The following AUTS2 variants were observed in gnomAD, a reference collection of about 807,000 sequenced individuals.
AUTS2 encodes the protein activator of transcription and developmental regulator AUTS2.
Under a neutral mutation model 112.4 loss-of-function variants are expected in AUTS2, and 17 were observed. That is an observed-to-expected ratio of 0.15 (90% CI 0.10 to 0.23). The LOEUF (loss-of-function observed/expected upper bound fraction) is 0.23, where lower values mean the gene tolerates loss of function less well. Among genes scored for constraint, AUTS2 ranks in the 10% least tolerant of loss-of-function variants. The pLI, the probability that AUTS2 is intolerant of heterozygous loss-of-function variation, is 1.00. For synonymous variants in AUTS2, 751 were observed against 702.7 expected, an observed-to-expected ratio of 1.07 and a Z score of -1.09; for missense variants, 1,510 against 1,701.6, an observed-to-expected ratio of 0.89 and a Z score of 1.98.
At chr7:69,744,447 C>T (rs139694170) in intron 1 of AUTS2, among the ~76,000 whole-genome samples, 71 of 152,272 alleles carry the variant, frequency 4.7e-4, no homozygotes, top group African/African-American at 1.6e-3. Flanking sequence ...CATGGACCAA[C>T]ATTTGATACT....
At chr7:70,406,060 T>C (rs1458068523) in intron 4 of AUTS2, among the ~76,000 whole-genome samples, 1 of 152,110 alleles carries the variant, frequency 6.6e-6, no homozygotes, top group Non-Finnish European at 1.5e-5. Flanking sequence ...AAAACACTCT[T>C]TTCACGGTCT....
intron 2 of AUTS2, among the ~76,000 whole-genome samples, chr7:69,915,933 GGTCTCGAGCT>G (rs1395177149): frequency 6.6e-6 from 1 of 152,150 alleles, no homozygotes; most frequent in Non-Finnish European, 1.5e-5. Context: ...TGCCCAGGCT[GGTCTCGAGCT>G]CTTGAGCTCA....
chr7:69,952,448 G>A (rs1484783246), intron 2 of AUTS2, among the ~76,000 whole-genome samples: 4 of 152,058 alleles, frequency 2.6e-5, no homozygotes, highest in African/African-American at 7.2e-5. Flanking sequence ...AAGCTTTTTC[G>A]TTTACCTCTA....
At chr7:70,143,673 G>A (rs937185853) in intron 4 of AUTS2, among the ~76,000 whole-genome samples, 3 of 152,160 alleles carry the variant, frequency 2.0e-5, no homozygotes, top group Admixed American at 6.5e-5. Context: ...GTCTCCATTG[G>A]CGACTCCCTG....
chr7:70,065,043 C>G (rs998102757), intron 2 of AUTS2, among the ~76,000 whole-genome samples: 2 of 152,018 alleles, frequency 1.3e-5, no homozygotes, highest in African/African-American at 2.4e-5. Flanking sequence ...AACAAAGGAG[C>G]AAGTGAACAA....
At chr7:69,727,325 C>T (rs768737351) in intron 1 of AUTS2, among the ~76,000 whole-genome samples, 5 of 152,158 alleles carry the variant, frequency 3.3e-5, no homozygotes, top group Non-Finnish European at 7.4e-5. Flanking sequence ...GGTGCAGTAG[C>T]TCACACCTGT....
chr7:70,454,808 T>C (rs1796669411), intron 5 of AUTS2, among the ~76,000 whole-genome samples: 1 of 152,178 alleles, frequency 6.6e-6, no homozygotes, highest in South Asian at 2.1e-4. Flanking sequence ...CCTGCTGCTG[T>C]GCAAAGCACA....
At chr7:70,362,131 CACTT>C in intron 4 of AUTS2, among the ~76,000 whole-genome samples, 1 of 152,196 alleles carries the variant, frequency 6.6e-6, no homozygotes, top group East Asian at 1.9e-4. Flanking sequence ...AGAGCACTGT[CACTT>C]ACTACTTCCA....
chr7:69,715,762 T>C (rs1424450696), intron 1 of AUTS2, among the ~76,000 whole-genome samples: 1 of 152,248 alleles, frequency 6.6e-6, no homozygotes, highest in Non-Finnish European at 1.5e-5. Context: ...AGATGATGAT[T>C]GCTTTCATAA....
chr7:69,912,728 T>A (rs1795413319), intron 2 of AUTS2, among the ~76,000 whole-genome samples: 2 of 152,224 alleles, frequency 1.3e-5, no homozygotes, highest in African/African-American at 2.4e-5. Flanking sequence ...GCTTTCATTT[T>A]ACTCCCTCCT....
intron 5 of AUTS2, among the ~76,000 whole-genome samples, chr7:70,441,687 T>A (rs1212436097): frequency 6.6e-6 from 1 of 152,208 alleles, no homozygotes; most frequent in African/African-American, 2.4e-5. Context: ...ATGCCTGGTG[T>A]TCATTTTTAA....
chr7:69,980,187 A>G (rs1008710906), intron 2 of AUTS2, among the ~76,000 whole-genome samples: 2 of 152,148 alleles, frequency 1.3e-5, no homozygotes, highest in African/African-American at 2.4e-5. Flanking sequence ...GGTTCCAGTG[A>G]TCCTCCAGCC....
chr7:69,629,089 T>G (rs1336647195), intron 1 of AUTS2, among the ~76,000 whole-genome samples: 1 of 152,202 alleles, frequency 6.6e-6, no homozygotes, highest in African/African-American at 2.4e-5. Flanking sequence ...ACAGTGAGCT[T>G]AGCATGGACT....
intron 1 of AUTS2, among the ~76,000 whole-genome samples, chr7:69,658,634 T>C (rs1036549858): frequency 6.6e-6 from 1 of 152,198 alleles, no homozygotes. Flanking sequence ...TGACTCTTCA[T>C]GTCTTCATCT....
At chr7:69,872,834 C>CTTTTTTTTTTTTTTTTTTTTTTTTTTTT (rs1164356683) in intron 1 of AUTS2, among the ~76,000 whole-genome samples, 1 of 70,422 alleles carries the variant, frequency 1.4e-5, no homozygotes, top group African/African-American at 6.2e-5. Flanking sequence ...AGCCTATATT[C>CTTTTTTTTTTTTTTTTTTTTTTTTTTTT]TTTTTTTTTT....
chr7:70,270,661 G>T (rs1787647295), intron 4 of AUTS2, among the ~76,000 whole-genome samples: 1 of 152,122 alleles, frequency 6.6e-6, no homozygotes, highest in African/African-American at 2.4e-5. Flanking sequence ...TTGGAGAGGG[G>T]TTCAAGACTT....
chr7:70,335,146 C>T (rs1407599511), intron 4 of AUTS2, among the ~76,000 whole-genome samples: 1 of 152,116 alleles, frequency 6.6e-6, no homozygotes, highest in Non-Finnish European at 1.5e-5. Flanking sequence ...GTTTTTGTTT[C>T]TCAGGCTTTC....
At chr7:69,891,583 A>G (rs551385166) in intron 1 of AUTS2, among the ~76,000 whole-genome samples, 8 of 151,972 alleles carry the variant, frequency 5.3e-5, no homozygotes, top group Non-Finnish European at 8.8e-5. Context: ...GTGCTGTTTC[A>G]TATTCTCACC....
chr7:70,003,367 TTA>T (rs1238782620), intron 2 of AUTS2, among the ~76,000 whole-genome samples: 25 of 127,806 alleles, frequency 2.0e-4, no homozygotes, highest in African/African-American at 7.3e-4. Flanking sequence ...TATGAATATA[TTA>T]TATATGTGAA....
Sources: gnomAD v4.1 joint callset for allele counts (sites outside exome capture counted in the v4.1 genomes callset) on GRCh38, gnomAD v4.1.1 for gene constraint, MANE v1.5 for transcripts, NCBI Gene and HGNC (gene_info 2026-07-23, HGNC 2026-07-21) for gene names.